TBCK: variants seen among roughly 807,000 people sequenced by gnomAD.
The protein encoded by TBCK is TBC1 domain containing kinase.
A neutral mutation model predicts 113.4 loss-of-function variants in TBCK; 99 were observed. That is an observed-to-expected ratio of 0.87 (90% confidence interval 0.74 to 1.03). TBCK has a LOEUF of 1.03. Among genes scored for constraint, TBCK ranks in the 50% least tolerant of loss-of-function variants. The pLI, the probability that TBCK is intolerant of heterozygous loss-of-function variation, is 0.00. For synonymous variants in TBCK, 369 were observed against 370.8 expected (o/e 1.00, Z 0.05); for missense variants, 1,045 against 1,061.3 (o/e 0.98, Z 0.21).
At chr4:106,138,879 A>G (rs1452290330) in intron 23 of TBCK, among the ~76,000 whole-genome samples, 1 of 140,970 alleles carries the variant, frequency 7.1e-6, no homozygotes, top group Non-Finnish European at 1.6e-5. Context: ...TTCACACAGC[A>G]CCGTTATGGT....
At chr4:106,204,709 A>T (rs529348078) in intron 20 of TBCK, among the ~76,000 whole-genome samples, 38 of 151,678 alleles carry the variant, frequency 2.5e-4, no homozygotes, top group Non-Finnish European at 4.9e-4. Context: ...GGTTTCTGCA[A>T]GAAATACTAT....
intron 16 of TBCK, among the ~76,000 whole-genome samples, 190 bp from the exon 17 acceptor site, chr4:106,233,254 T>C (rs1306101831): frequency 6.6e-6 from 1 of 152,048 alleles, no homozygotes; most frequent in Non-Finnish European, 1.5e-5. Context: ...GTTGTATGTA[T>C]ACCTAAACAG....
intron 23 of TBCK, among the ~76,000 whole-genome samples, chr4:106,133,570 TA>T (rs1179898713): frequency 1.3e-5 from 2 of 152,216 alleles, no homozygotes; most frequent in African/African-American, 4.8e-5. Flanking sequence ...CACAAGTCAA[TA>T]AAAAATGTTT....
At chr4:106,308,095 T>C (rs1767729829) in intron 2 of TBCK, among the ~76,000 whole-genome samples, 1 of 152,152 alleles carries the variant, frequency 6.6e-6, no homozygotes, top group Non-Finnish European at 1.5e-5. Context: ...TTCATATAGA[T>C]AAAGAAATAT....
chr4:106,168,684 A>G (rs1394391293), intron 23 of TBCK, among the ~76,000 whole-genome samples: 2 of 151,964 alleles, frequency 1.3e-5, no homozygotes, highest in African/African-American at 4.8e-5. Context: ...GCTTTCCTGT[A>G]TACCTGCAAT....
rs532906064 is a variant in TBCK, at chr4:106,278,286, G to A, written c.267-16074C>T. Among the ~76,000 whole-genome samples, 93 of 151,934 alleles carry A rather than the reference G, an allele frequency of 6.1e-4. 3 individuals carry two copies. The highest frequency in any genetic ancestry group is 1.8e-3 in the Admixed American group (27 of 15,258). ...AATAAAGAGTTCATGGGCTGGGCGCGGCACCTCATGCCTGTAATCCTAGCA... is the reference window on the plus strand; with the variant it reads ...AATAAAGAGTTCATGGGCTGGGCGCAGCACCTCATGCCTGTAATCCTAGCA... On this transcript the variant is annotated intron_variant, in intron 3 of 25. Coordinates refer to ENST00000394708, the MANE Select transcript of TBCK (RefSeq NM_001163435.3).
intron 2 of TBCK, among the ~76,000 whole-genome samples, chr4:106,298,905 G>A (rs1766618421): frequency 1.3e-5 from 2 of 152,222 alleles, no homozygotes; most frequent in African/African-American, 2.4e-5. Flanking sequence ...AATCAGATTC[G>A]GTACAATCCT....
chr4:106,177,554 C>A (rs186180215), intron 22 of TBCK, among the ~76,000 whole-genome samples: 2 of 151,918 alleles, frequency 1.3e-5, no homozygotes, highest in Non-Finnish European at 1.5e-5. Context: ...TATGGAGATA[C>A]AGTTTTCCCA....
chr4:106,223,990 T>C (rs1207476019), intron 19 of TBCK, among the ~76,000 whole-genome samples: 1 of 152,142 alleles, frequency 6.6e-6, no homozygotes, highest in African/African-American at 2.4e-5. Flanking sequence ...GCATAATCAG[T>C]ATGTTATTTT....
chr4:106,114,280 G>A (rs905546681), intron 24 of TBCK, among the ~76,000 whole-genome samples: 1 of 152,146 alleles, frequency 6.6e-6, no homozygotes, highest in Non-Finnish European at 1.5e-5. Flanking sequence ...TTCGGAAATG[G>A]ATTTGGCTGA....
intron 20 of TBCK, among the ~76,000 whole-genome samples, chr4:106,196,651 T>C (rs1053505858): frequency 3.9e-5 from 6 of 151,992 alleles, no homozygotes; most frequent in African/African-American, 1.4e-4. Flanking sequence ...CTAGGGACAA[T>C]ATAAATGGAA....
At chr4:106,282,292 T>C (rs72876587) in intron 3 of TBCK, among the ~76,000 whole-genome samples, 4,085 of 151,992 alleles carry the variant, frequency 0.027, 173 homozygotes, top group African/African-American at 0.094. Flanking sequence ...GAGTCTTCTC[T>C]TTTTTTTCTT....
chr4:106,164,744 T>C (rs1459261871), intron 23 of TBCK, among the ~76,000 whole-genome samples: 1 of 151,732 alleles, frequency 6.6e-6, no homozygotes, highest in Non-Finnish European at 1.5e-5. Context: ...TTTAAACTGT[T>C]CATAATCTAA....
intron 24 of TBCK, among the ~76,000 whole-genome samples, chr4:106,097,013 A>T (rs550299139): frequency 5.9e-4 from 90 of 152,334 alleles, no homozygotes; most frequent in Middle Eastern, 3.4e-3. Context: ...AATCATAGAT[A>T]AGTATTAAGG....
intron 23 of TBCK, among the ~76,000 whole-genome samples, chr4:106,138,967 T>A (rs1254081201): frequency 7.1e-6 from 1 of 141,104 alleles, no homozygotes; most frequent in Non-Finnish European, 1.6e-5. Flanking sequence ...GTAATTTAGT[T>A]AGTAGAACTG....
At chr4:106,234,261 T>C (rs1216316701) in intron 15 of TBCK, among the ~76,000 whole-genome samples, 1 of 152,160 alleles carries the variant, frequency 6.6e-6, no homozygotes, top group African/African-American at 2.4e-5. Flanking sequence ...TGAAGTCCTC[T>C]TGAACTTTAG....
chr4:106,203,002 AAATTT>A (rs1429775590), intron 20 of TBCK, among the ~76,000 whole-genome samples: 6 of 152,056 alleles, frequency 3.9e-5, no homozygotes, highest in African/African-American at 1.4e-4. Context: ...AATAAAAATT[AAATTT>A]ATTCTAATTT....
At chr4:106,230,013 T>G (rs1233942967) in intron 19 of TBCK, among the ~76,000 whole-genome samples, 1 of 151,956 alleles carries the variant, frequency 6.6e-6, no homozygotes, top group Non-Finnish European at 1.5e-5. Context: ...GCTTACACAA[T>G]TAAACATTTA....
At chr4:106,296,032 T>G (rs1053545596) in intron 2 of TBCK, among the ~76,000 whole-genome samples, 8 of 152,172 alleles carry the variant, frequency 5.3e-5, no homozygotes, top group African/African-American at 1.9e-4. Context: ...AGATTAAATA[T>G]TATAAAACAG....
Sources: gnomAD v4.1 joint callset for allele counts (sites outside exome capture counted in the v4.1 genomes callset) on GRCh38, gnomAD v4.1.1 for gene constraint, MANE v1.5 for transcripts, NCBI Gene and HGNC (gene_info 2026-07-23, HGNC 2026-07-21) for gene names.